TG: variants seen among roughly 807,000 people sequenced by gnomAD.
TG encodes thyroglobulin, also known as thyroid hormones.
Under a neutral mutation model 324.7 loss-of-function variants are expected in TG, and 270 were observed. The ratio of observed to expected loss-of-function variants is 0.83; its 90% CI spans 0.75 to 0.92. The LOEUF is 0.92. TG is among the 40% of genes least tolerant of loss of function. TG has a pLI of 0.00. For missense variants in TG, 3,591 were observed against 3,456.4 expected, an observed-to-expected ratio of 1.04 and a Z score of -0.98; for synonymous variants, 1,401 against 1,327.0, an observed-to-expected ratio of 1.06 and a Z score of -1.21.
intron 41 of TG, among the ~76,000 whole-genome samples, chr8:133,068,456 T>C (rs1461338274): frequency 6.6e-6 from 1 of 152,228 alleles, no homozygotes; most frequent in African/African-American, 2.4e-5. Context: ...GAAGCCAGAT[T>C]TGAGGCCTGT....
chr8:133,058,919 G>A, intron 41 of TG: 1 of 443,208 alleles, frequency 2.3e-6, no homozygotes, highest in Admixed American at 2.5e-5. Flanking sequence ...TGACTTGAAA[G>A]GGGTGTGGGG....
chr8:133,053,696 A>C (rs1448350400), intron 41 of TG, among the ~76,000 whole-genome samples: 1 of 152,234 alleles, frequency 6.6e-6, no homozygotes, highest in Non-Finnish European at 1.5e-5. Context: ...CTAACATTAA[A>C]AACAAAAACC....
At chr8:133,131,027 G>C (rs73708883) in intron 45 of TG, among the ~76,000 whole-genome samples, 6,364 of 152,222 alleles carry the variant, frequency 0.042, 417 homozygotes, top group African/African-American at 0.15. Flanking sequence ...CAACAAGACC[G>C]GCAGTGGGGT....
At chr8:133,102,430 A>T in intron 43 of TG, 1 of 844,586 alleles carries the variant, frequency 1.2e-6, no homozygotes, top group Non-Finnish European at 1.9e-6. Context: ...TTTTCTTCAG[A>T]CCAAAGACGG....
chr8:132,984,438 A>G (rs1831274814), intron 35 of TG, among the ~76,000 whole-genome samples: 1 of 152,224 alleles, frequency 6.6e-6, no homozygotes, highest in Non-Finnish European at 1.5e-5. Context: ...TGCATTCATG[A>G]TAGACGTTAG....
At chr8:132,968,597 GA>G (rs112962762) in intron 31 of TG, among the ~76,000 whole-genome samples, 68 of 152,248 alleles carry the variant, frequency 4.5e-4, no homozygotes, top group African/African-American at 1.5e-3. Context: ...GATGTCCAGT[GA>G]CCCTTATTTT....
chr8:132,898,675 T>G, intron 13 of TG, 123 bp from the exon 14 acceptor site: 1 of 786,102 alleles, frequency 1.3e-6, no homozygotes, highest in South Asian at 1.4e-5. Flanking sequence ...AGATTCTACC[T>G]CTCTATGAAG....
Position 132,885,138 on chromosome 8 carries a change from G to GGT in TG, c.1076-1309_1076-1308insTG, listed in dbSNP as rs1554654642. Among the ~76,000 whole-genome samples, 635 of 151,322 alleles carry GGT rather than the reference G, an allele frequency of 4.2e-3. 4 individuals carry two copies. The highest frequency in any genetic ancestry group is 0.014 in the African/African-American group (595 of 41,270). On this transcript the variant is annotated intron_variant, in intron 8 of 47. Coordinates refer to ENST00000220616, the MANE Select transcript of TG (RefSeq NM_003235.5). Reference sequence around the variant, plus strand: ...AAAATATTTTAAAAGTTGGGGGGGGGGCGTGGTGGTTAAAAGGTAAGAGTT... The same window carrying GGT: ...AAAATATTTTAAAAGTTGGGGGGGGGGTGCGTGGTGGTTAAAAGGTAAGAGTT...
At chr8:132,893,050 CTT>C (rs1218075492) in intron 10 of TG, among the ~76,000 whole-genome samples, 26 of 114,572 alleles carry the variant, frequency 2.3e-4, no homozygotes, top group Admixed American at 6.5e-4. Flanking sequence ...TGTGATGTGT[CTT>C]GAGTGGTGTG....
In TG at chr8:132,891,116, C is replaced by G. The variant is rs1224295230; in HGVS notation, c.2761+2548C>G. ...GGCGCTCAGAGAAAGGGGCTACTAA[C>G]TCATTGAAGATTGGGGTAAAGATTA... On this transcript the variant is annotated intron_variant, in intron 10 of 47. Coordinates refer to ENST00000220616, the MANE Select transcript of TG (RefSeq NM_003235.5). Among the ~76,000 whole-genome samples, 3 of 152,186 alleles carry G rather than the reference C, an allele frequency of 2.0e-5. No homozygotes were observed. In the South Asian group the frequency reaches 6.2e-4, roughly 31 times the overall value.
At chr8:132,913,343 A>T (rs1819807253) in intron 20 of TG, 78 bp downstream of exon 20, 2 of 1,444,866 alleles carry the variant, frequency 1.4e-6, no homozygotes, top group Admixed American at 3.5e-5. Context: ...CACTGGAGAG[A>T]GGCTACTCTG....
At chr8:132,885,029 A>T (rs143185817) in intron 8 of TG, among the ~76,000 whole-genome samples, 76 of 150,572 alleles carry the variant, frequency 5.0e-4, no homozygotes, top group Non-Finnish European at 5.5e-4. Flanking sequence ...CTCCCACCAC[A>T]TTTTCCAGTT....
At chr8:133,067,273 C>T (rs578190049) in intron 41 of TG, among the ~76,000 whole-genome samples, 12 of 152,176 alleles carry the variant, frequency 7.9e-5, no homozygotes, top group Admixed American at 2.0e-4. Context: ...CAGGTGCAGC[C>T]GCAGGCCTGT....
At chr8:132,999,935 G>A (rs1340423589) in intron 35 of TG, among the ~76,000 whole-genome samples, 1 of 152,070 alleles carries the variant, frequency 6.6e-6, no homozygotes, top group Non-Finnish European at 1.5e-5. Flanking sequence ...TCCCCCTGTG[G>A]GACCATCTTG....
At chr8:133,067,260 G>A (rs1843168807) in intron 41 of TG, among the ~76,000 whole-genome samples, 1 of 152,080 alleles carries the variant, frequency 6.6e-6, no homozygotes. Context: ...CTCTCCTCTA[G>A]GGCAGGTGCA....
chr8:133,134,534 C>T, intron 47 of TG, 142 bp from the exon 48 acceptor site: 1 of 777,252 alleles, frequency 1.3e-6, no homozygotes, highest in Non-Finnish European at 2.3e-6. Context: ...TCTGGCACCT[C>T]AGCCAGTGGA....
At chr8:132,945,256 A>G (rs1470975943) in intron 26 of TG, among the ~76,000 whole-genome samples, 1 of 152,108 alleles carries the variant, frequency 6.6e-6, no homozygotes, top group East Asian at 1.9e-4. Flanking sequence ...GGCTAGGGCT[A>G]TTGCAGTGGA....
chr8:132,926,639 A>G (rs941343983), intron 22 of TG, among the ~76,000 whole-genome samples: 2 of 152,182 alleles, frequency 1.3e-5, no homozygotes, highest in Admixed American at 6.5e-5. Context: ...CCACCACCTC[A>G]ATTCCTGTGG....
chr8:132,929,710 C>T (rs1431990631), intron 23 of TG, among the ~76,000 whole-genome samples: 1 of 152,146 alleles, frequency 6.6e-6, no homozygotes, highest in African/African-American at 2.4e-5. Flanking sequence ...AACATCAAAG[C>T]CTGCAGTCTT....
Sources: allele counts gnomAD v4.1 joint callset (sites outside exome capture counted in the v4.1 genomes callset), GRCh38; gene constraint gnomAD v4.1.1; transcripts MANE v1.5; gene names NCBI Gene and HGNC (gene_info 2026-07-23, HGNC 2026-07-21).